Variants in PCDH9 observed in about 807,000 individuals in gnomAD.
PCDH9 encodes the protein protocadherin 9, also known as protocadherin-9.
PCDH9 carries 24 observed loss-of-function variants against 70.6 expected under a neutral mutation model. That is an observed-to-expected ratio of 0.34 (90% CI 0.25 to 0.48). The LOEUF is 0.48. Among genes scored for constraint, PCDH9 ranks in the 20% least tolerant of loss-of-function variants. The pLI is 0.99. For synonymous variants in PCDH9, 562 were observed against 558.5 expected, an observed-to-expected ratio of 1.01 and a Z score of -0.09; for missense variants, 1,281 against 1,503.6, an observed-to-expected ratio of 0.85 and a Z score of 2.45.
At chr13:66,997,701 A>T (rs2084149821) in intron 2 of PCDH9, among the ~76,000 whole-genome samples, 4 of 152,020 alleles carry the variant, frequency 2.6e-5, no homozygotes, top group Admixed American at 2.6e-4. Context: ...TGCCTAGCTA[A>T]TTTTTGTATT....
intron 2 of PCDH9, among the ~76,000 whole-genome samples, chr13:67,177,987 C>T (rs1311738053): frequency 6.6e-6 from 1 of 152,072 alleles, no homozygotes; most frequent in African/African-American, 2.4e-5. Flanking sequence ...TAAGGGAAAG[C>T]AATACCTGCC....
intron 4 of PCDH9, among the ~76,000 whole-genome samples, chr13:66,379,335 T>G (rs956047905): frequency 3.9e-5 from 6 of 152,156 alleles, no homozygotes; most frequent in Non-Finnish European, 8.8e-5. Context: ...GTATACAAAT[T>G]TTTATTGATA....
intron 3 of PCDH9, among the ~76,000 whole-genome samples, chr13:66,685,846 C>A (rs2078393698): frequency 1.3e-5 from 2 of 152,142 alleles, no homozygotes; most frequent in Admixed American, 1.3e-4. Context: ...GGGCCTGTAG[C>A]CCCTTTGTTT....
intron 3 of PCDH9, among the ~76,000 whole-genome samples, chr13:66,655,330 A>C (rs1025852111): frequency 4.6e-5 from 7 of 152,034 alleles, no homozygotes; most frequent in Non-Finnish European, 8.8e-5. Context: ...AAAGGAGAAA[A>C]GTGCTTTCCA....
chr13:67,229,102 C>T (rs749190797), intron 1 of PCDH9, among the ~76,000 whole-genome samples: 7 of 152,212 alleles, frequency 4.6e-5, no homozygotes, highest in Non-Finnish European at 8.8e-5. Context: ...TACTGGGAAA[C>T]GAGCATCCGG....
At chr13:66,773,524 G>GA (rs2079842483) in intron 3 of PCDH9, among the ~76,000 whole-genome samples, 1 of 151,392 alleles carries the variant, frequency 6.6e-6, no homozygotes, top group South Asian at 2.1e-4. Flanking sequence ...CCAGCTTCTC[G>GA]GAGGTTGAGG....
At chr13:67,191,475 G>A (rs903775101) in intron 2 of PCDH9, among the ~76,000 whole-genome samples, 2 of 151,504 alleles carry the variant, frequency 1.3e-5, no homozygotes, top group Non-Finnish European at 2.9e-5. Context: ...CTTCCTAATG[G>A]GTATAATTAT....
intron 3 of PCDH9, among the ~76,000 whole-genome samples, chr13:66,664,924 T>C (rs1192790666): frequency 2.0e-5 from 3 of 152,212 alleles, no homozygotes; most frequent in Middle Eastern, 3.4e-3. Flanking sequence ...TCCTAAGGCA[T>C]AGATAAAACA....
At chr13:66,879,567 C>T (rs2081885739) in intron 3 of PCDH9, among the ~76,000 whole-genome samples, 2 of 152,180 alleles carry the variant, frequency 1.3e-5, no homozygotes, top group South Asian at 4.1e-4. Flanking sequence ...GAAACTAATG[C>T]ACTTCCAAAT....
chr13:66,305,161 G>T lies in PCDH9; in HGVS notation c.3341-133C>A. On this transcript the variant is annotated intron_variant, in intron 4 of 4. Coordinates refer to ENST00000377865, the MANE Select transcript of PCDH9 (RefSeq NM_203487.3). ...AGTGTATCAAGTCAAGCAACTCAAAGATATATTTCTCCATCTTTTAAAGAT... is the reference window on the plus strand; with the variant it reads ...AGTGTATCAAGTCAAGCAACTCAAATATATATTTCTCCATCTTTTAAAGAT... The T allele has an allele frequency of 7.7e-6, 6 of 774,792 alleles. No individual in the cohort carries two copies. The South Asian group carries it at 1.1e-4, about 14-fold the overall frequency. The allele number at this position is 774,792 out of a possible 1,614,324, so 48.0% of individuals were successfully genotyped here.
At chr13:66,393,990 A>T (rs933498220) in intron 4 of PCDH9, among the ~76,000 whole-genome samples, 4 of 152,206 alleles carry the variant, frequency 2.6e-5, no homozygotes, top group African/African-American at 9.6e-5. Flanking sequence ...TTATACTATG[A>T]CTGACGGGAG....
chr13:66,510,468 G>A (rs952915130), intron 4 of PCDH9, among the ~76,000 whole-genome samples: 13 of 151,980 alleles, frequency 8.6e-5, no homozygotes, highest in South Asian at 4.1e-4. Flanking sequence ...CCATTAAGTC[G>A]TCATTTACAT....
At chr13:66,588,884 G>A (rs1327695217) in intron 4 of PCDH9, among the ~76,000 whole-genome samples, 2 of 150,082 alleles carry the variant, frequency 1.3e-5, no homozygotes, top group South Asian at 4.2e-4. Context: ...CCATTATTAC[G>A]AGAACTTTTT....
intron 2 of PCDH9, among the ~76,000 whole-genome samples, chr13:66,947,190 T>C (rs952025246): frequency 3.9e-5 from 6 of 152,262 alleles, no homozygotes; most frequent in African/African-American, 1.4e-4. Context: ...AAATTTTTCA[T>C]TCTGTACATT....
chr13:67,196,769 C>T (rs985522888), intron 2 of PCDH9, among the ~76,000 whole-genome samples: 1 of 151,794 alleles, frequency 6.6e-6, no homozygotes, highest in African/African-American at 2.4e-5. Context: ...ACCAAAAAAC[C>T]CAAAATCCTA....
intron 4 of PCDH9, among the ~76,000 whole-genome samples, chr13:66,484,282 C>A (rs879762650): frequency 6.6e-6 from 1 of 152,054 alleles, no homozygotes; most frequent in Non-Finnish European, 1.5e-5. Flanking sequence ...TTGAGACACA[C>A]GTCCACTGGG....
chr13:66,886,197 G>T (rs1406247693), intron 3 of PCDH9: 1 of 152,106 alleles, frequency 6.6e-6, no homozygotes, highest in East Asian at 1.9e-4. Context: ...GGGCAAAGAG[G>T]TCACTAAGCT....
In PCDH9 at chr13:66,737,324, C is replaced by G. The variant is rs539207064; in HGVS notation, c.3139-105913G>C. ...TTAGCCCTTGTGCAGTTTTTCAGCC[C>G]TTAGCAATAGACCACTGGTTCTTGA... On this transcript the variant is annotated intron_variant, in intron 3 of 4. Transcript: ENST00000377865. Among the ~76,000 whole-genome samples, 12 of 152,260 alleles carry G rather than the reference C, an allele frequency of 7.9e-5. No individual in the cohort carries two copies. The South Asian group carries it at 2.5e-3, about 32-fold the overall frequency.
chr13:66,950,795 A>G (rs2083166879), intron 2 of PCDH9, among the ~76,000 whole-genome samples: 1 of 152,072 alleles, frequency 6.6e-6, no homozygotes, highest in Non-Finnish European at 1.5e-5. Flanking sequence ...AGAGCTTAAA[A>G]TTGTCTACTT....
Sources: allele counts gnomAD v4.1 joint callset (sites outside exome capture counted in the v4.1 genomes callset), GRCh38; gene constraint gnomAD v4.1.1; transcripts MANE v1.5; gene names NCBI Gene and HGNC (gene_info 2026-07-23, HGNC 2026-07-21).